CCDC88C: variants seen among roughly 807,000 people sequenced by gnomAD.
CCDC88C encodes coiled-coil and HOOK domain protein 88C.
A neutral mutation model predicts 198.8 loss-of-function variants in CCDC88C; 131 were observed. The ratio of observed to expected loss-of-function variants is 0.66; its 90% CI spans 0.57 to 0.76. CCDC88C has a LOEUF of 0.76. Ranked by LOEUF, CCDC88C falls within the 30% of genes least tolerant of loss-of-function variation. CCDC88C has a pLI of 0.00. For missense variants in CCDC88C, 2,553 were observed against 2,631.6 expected, an observed-to-expected ratio of 0.97 and a Z score of 0.65; for synonymous variants, 1,166 against 1,114.7, an observed-to-expected ratio of 1.05 and a Z score of -0.92.
rs2140902042 is a variant in CCDC88C, at chr14:91,271,827, C to G, written c.*798G>C. Reference sequence around the variant, plus strand: ...ATGACCCCTCGGTGCACTGTGCACACTGGCCTGGAGGGGGCTGGATGGGGG... The same window carrying G: ...ATGACCCCTCGGTGCACTGTGCACAGTGGCCTGGAGGGGGCTGGATGGGGG... On this transcript the variant is annotated 3_prime_UTR_variant, in exon 30 of 30. Transcript: ENST00000389857. The G allele has an allele frequency of 1.3e-5, 2 of 152,838 alleles. No individual in the cohort carries two copies. Among genetic ancestry groups the G allele is most frequent in the South Asian group, 2.1e-4 (1 of 4,828 alleles). The allele number at this position is 152,838 out of a possible 1,614,324, so 9.5% of individuals were successfully genotyped here. A position where few individuals can be genotyped will look rare whatever the true frequency, so the allele number is the denominator to read the frequency against.
intron 19 of CCDC88C, 53 bp downstream of exon 19, chr14:91,305,712 C>T (rs1378225325): frequency 1.9e-6 from 3 of 1,554,206 alleles, no homozygotes; most frequent in South Asian, 1.2e-5. Flanking sequence ...CCAGGAGCCA[C>T]AGATAAACAT....
chr14:91,334,651 G>A (rs1892974307), intron 10 of CCDC88C, among the ~76,000 whole-genome samples: 2 of 148,210 alleles, frequency 1.3e-5, no homozygotes, highest in South Asian at 2.1e-4. Context: ...GCCACACCCT[G>A]AAAAACCTGG....
intron 26 of CCDC88C, among the ~76,000 whole-genome samples, chr14:91,282,112 G>A (rs529837079): frequency 5.8e-4 from 89 of 152,168 alleles, no homozygotes; most frequent in Non-Finnish European, 1.2e-3. Flanking sequence ...CTACCTGAGA[G>A]CAGACCCTGG....
rs1894798957 is a variant in CCDC88C, at chr14:91,371,467, C to A, written c.271-11756G>T. ...TGCTGTCCAGGCCCAGCCAACCTCA[C>A]CCGCCGGTGGCAGGAGTACAGAGGC... is the stretch of plus-strand genomic sequence containing the variant. On this transcript the variant is annotated intron_variant, in intron 3 of 29. Transcript: ENST00000389857. The surrounding 1 kb of genome is among the most constrained non-coding windows in gnomAD (Gnocchi z 4.2). Among the ~76,000 whole-genome samples the A allele has an allele frequency of 6.6e-6, 1 of 152,042 alleles. No individual in the cohort carries two copies. The highest frequency in any genetic ancestry group is 2.4e-5 in the African/African-American group (1 of 41,386).
chr14:91,409,782 G>T (rs966269456), intron 2 of CCDC88C, among the ~76,000 whole-genome samples: 1 of 152,178 alleles, frequency 6.6e-6, no homozygotes, highest in Non-Finnish European at 1.5e-5. Context: ...CACTGTGCCA[G>T]GCCAAAATGG....
chr14:91,276,300 CACA>C (rs1305846736), intron 29 of CCDC88C, among the ~76,000 whole-genome samples: 22 of 152,240 alleles, frequency 1.4e-4, no homozygotes, highest in African/African-American at 2.2e-4. Flanking sequence ...GTTTGAGAAC[CACA>C]ACATTAGACC....
At chr14:91,356,011 C>T (rs1395169424) in intron 4 of CCDC88C, among the ~76,000 whole-genome samples, 5 of 152,064 alleles carry the variant, frequency 3.3e-5, no homozygotes, top group Non-Finnish European at 7.4e-5. Flanking sequence ...AAGCAAGCCC[C>T]TCACACACGA....
At chr14:91,310,197 C>T (rs1020606442) in intron 15 of CCDC88C, among the ~76,000 whole-genome samples, 2 of 151,858 alleles carry the variant, frequency 1.3e-5, no homozygotes, top group Non-Finnish European at 2.9e-5. Context: ...AACAACCAGA[C>T]CAGGTGGCTA....
At chr14:91,343,491 C>T (rs986501070) in intron 5 of CCDC88C, 108 bp downstream of exon 5, 8 of 1,521,188 alleles carry the variant, frequency 5.3e-6, no homozygotes, top group Middle Eastern at 1.7e-4. Context: ...TCATATTGGA[C>T]TGAAAGGAGC....
intron 3 of CCDC88C, among the ~76,000 whole-genome samples, chr14:91,389,887 A>C (rs1309402328): frequency 6.6e-6 from 1 of 151,840 alleles, no homozygotes; most frequent in East Asian, 1.9e-4. Context: ...CCTGGCTAAC[A>C]CGGTGAAACC....
intron 10 of CCDC88C, among the ~76,000 whole-genome samples, chr14:91,330,137 A>G (rs1892756945): frequency 6.6e-6 from 1 of 152,226 alleles, no homozygotes; most frequent in Admixed American, 6.5e-5. Flanking sequence ...CCCTGTGTTC[A>G]AAGAGCTCCC....
intron 6 of CCDC88C, among the ~76,000 whole-genome samples, 165 bp from the exon 7 acceptor site, chr14:91,340,189 A>C (rs1429677634): frequency 1.3e-5 from 2 of 152,230 alleles, no homozygotes; most frequent in Non-Finnish European, 1.5e-5. Flanking sequence ...CAAACCCTTC[A>C]GCAGAGCCCT....
intron 3 of CCDC88C, among the ~76,000 whole-genome samples, chr14:91,363,170 T>C (rs1000488510): frequency 6.6e-6 from 1 of 152,154 alleles, no homozygotes; most frequent in Non-Finnish European, 1.5e-5. Flanking sequence ...CTATTAGCCA[T>C]CTTTAAAAAA....
chr14:91,322,236 G>A (rs950512876), intron 12 of CCDC88C, among the ~76,000 whole-genome samples: 1 of 152,204 alleles, frequency 6.6e-6, no homozygotes, highest in Non-Finnish European at 1.5e-5. Flanking sequence ...GTACAGGGGG[G>A]TGATGGCTTT....
chr14:91,384,110 G>A (rs1034529050), intron 3 of CCDC88C, among the ~76,000 whole-genome samples: 4 of 152,104 alleles, frequency 2.6e-5, no homozygotes, highest in African/African-American at 4.8e-5. Flanking sequence ...AAGCCAATGC[G>A]TCAACATCCA....
Position 91,309,867 on chromosome 14 carries a change from G to C in CCDC88C, c.2856C>G (p.Gly952=), listed in dbSNP as rs1434375733. The change falls in exon 16 of 30, where the codon GGC becomes GGG. Residue 952 remains glycine (G), a synonymous_variant. Transcript: ENST00000389857. ...RELLLQEDDS[G]SDTKYKILEG... is the part of the protein sequence containing the mutation. ...GGAGAAGAGGCCCTCACGTGTCACTGCCGCTGTCGTCCTCCTGCAACAGCA... is the reference window on the plus strand; with the variant it reads ...GGAGAAGAGGCCCTCACGTGTCACTCCCGCTGTCGTCCTCCTGCAACAGCA... 6.2e-7 allele frequency: 1 copy of C among 1,610,432 alleles called. No individual in the cohort carries two copies. Among genetic ancestry groups the C allele is most frequent in the Non-Finnish European group, 8.5e-7 (1 of 1,177,260 alleles).
intron 4 of CCDC88C, among the ~76,000 whole-genome samples, chr14:91,345,186 A>ATTTTTTTT (rs1253529075): frequency 3.3e-4 from 24 of 72,458 alleles, no homozygotes; most frequent in African/African-American, 1.2e-3. Context: ...ATATATATAT[A>ATTTTTTTT]TATATTTTTT....
chr14:91,362,746 G>A (rs1466299933), intron 3 of CCDC88C, among the ~76,000 whole-genome samples: 1 of 152,036 alleles, frequency 6.6e-6, no homozygotes, highest in Non-Finnish European at 1.5e-5. Context: ...TGGCTAACAT[G>A]GTGAAACCCG....
chr14:91,386,785 A>G (rs868263534), intron 3 of CCDC88C, among the ~76,000 whole-genome samples: 3 of 152,144 alleles, frequency 2.0e-5, no homozygotes, highest in Non-Finnish European at 4.4e-5. Flanking sequence ...CCCAGCGCCA[A>G]AACAGCCCTG....
Sources: allele counts gnomAD v4.1 joint callset (sites outside exome capture counted in the v4.1 genomes callset), GRCh38; gene constraint gnomAD v4.1.1; non-coding constraint Gnocchi (gnomAD v3.1); transcripts MANE v1.5; gene names NCBI Gene and HGNC (gene_info 2026-07-23, HGNC 2026-07-21).